The following INTS15 variants were observed in gnomAD, a reference collection of about 807,000 sequenced individuals.
INTS15 encodes the protein uncharacterized protein C7orf26.
chr7:6,599,808 C>CCT, the INTS15 span: 2 of 1,608,296 alleles, frequency 1.2e-6, no homozygotes, highest in Non-Finnish European at 1.7e-6. Flanking sequence ...GTGCTCCTGA[C>CCT]CTAATGGTCT....
chr7:6,600,274 C>G, the INTS15 span: 1 of 1,614,200 alleles, frequency 6.2e-7, no homozygotes, highest in South Asian at 1.1e-5. Flanking sequence ...TCAACGCCTC[C>G]CAGGAGATTG....
At chr7:6,599,760 CCT>C in the INTS15 span, 1 of 1,502,126 alleles carries the variant, frequency 6.7e-7, no homozygotes, top group Non-Finnish European at 9.1e-7. Context: ...GTCAGGCTTC[CCT>C]CTCTCCACTT....
chr7:6,602,318 A>G, the INTS15 span: 1 of 563,410 alleles, frequency 1.8e-6, no homozygotes, highest in South Asian at 2.2e-5. Flanking sequence ...AAACCTGAAA[A>G]ATGGTCATCT....
chr7:6,607,738 T>C, the INTS15 span: 1 of 1,503,290 alleles, frequency 6.7e-7, no homozygotes, highest in Non-Finnish European at 8.9e-7. The surrounding 1 kb of genome is among the most constrained non-coding windows in gnomAD (Gnocchi z 6.0). Context: ...CGGAGCTCCG[T>C]GGGCCACAGG....
the INTS15 span, chr7:6,591,898 G>C: frequency 6.3e-7 from 1 of 1,598,558 alleles, no homozygotes; most frequent in South Asian, 1.1e-5. Context: ...TCGGCCGGGT[G>C]CGGTGGCTCA....
chr7:6,596,733 A>T, the INTS15 span, among the ~76,000 whole-genome samples: 1 of 151,622 alleles, frequency 6.6e-6, no homozygotes, highest in Non-Finnish European at 1.5e-5. Context: ...TTGTGTGGAA[A>T]TATTGTGAAC....
chr7:6,590,397 C>T, the INTS15 span: 37 of 1,606,508 alleles, frequency 2.3e-5, no homozygotes, highest in African/African-American at 4.0e-4. Context: ...CGCCGCTGCC[C>T]ATCGTGGACA....
At chr7:6,604,486 G>T in the INTS15 span, among the ~76,000 whole-genome samples, 1 of 152,146 alleles carries the variant, frequency 6.6e-6, no homozygotes, top group Non-Finnish European at 1.5e-5. Context: ...GCTTGGTGGG[G>T]TTAGTAATGT....
At chr7:6,604,274 G>A in the INTS15 span, among the ~76,000 whole-genome samples, 7 of 152,226 alleles carry the variant, frequency 4.6e-5, no homozygotes, top group East Asian at 1.9e-4. Flanking sequence ...GTTTCATACC[G>A]ATGCAGTTAC....
chr7:6,590,278 C>A, the INTS15 span: 2 of 1,529,930 alleles, frequency 1.3e-6, no homozygotes, highest in Non-Finnish European at 1.7e-6. Flanking sequence ...CCGCGGCGGC[C>A]GCACCATGAG....
chr7:6,593,753 C>T, the INTS15 span, among the ~76,000 whole-genome samples: 1 of 149,898 alleles, frequency 6.7e-6, no homozygotes, highest in African/African-American at 2.5e-5. Flanking sequence ...AGGCCCAAGC[C>T]ATCCTTCCGC....
chr7:6,605,824 G>A, the INTS15 span, among the ~76,000 whole-genome samples: 2 of 151,916 alleles, frequency 1.3e-5, no homozygotes, highest in Non-Finnish European at 2.9e-5. Flanking sequence ...TCAGCCTCCC[G>A]GATAGCTGGG....
chr7:6,599,818 T>G, the INTS15 span: 1 of 1,609,902 alleles, frequency 6.2e-7, no homozygotes, highest in Non-Finnish European at 8.5e-7. Flanking sequence ...CCTAATGGTC[T>G]TTGTTTGCAG....
the INTS15 span, chr7:6,607,888 G>T: frequency 6.3e-7 from 1 of 1,577,916 alleles, no homozygotes; most frequent in East Asian, 2.3e-5. The surrounding 1 kb of genome is among the most constrained non-coding windows in gnomAD (Gnocchi z 6.0). Context: ...GGGGGGACGG[G>T]GTCAGCCTAC....
At chr7:6,590,188 C>T in the INTS15 span, 8 of 1,162,184 alleles carry the variant, frequency 6.9e-6, no homozygotes, top group Non-Finnish European at 9.0e-6. Context: ...AGCCCAGGCC[C>T]GGGTCGCGCC....
the INTS15 span, among the ~76,000 whole-genome samples, chr7:6,596,019 C>T: frequency 2.0e-5 from 3 of 151,638 alleles, no homozygotes; most frequent in Non-Finnish European, 4.4e-5. Flanking sequence ...GTATTGGTCT[C>T]CCACCAGCCT....
the INTS15 span, among the ~76,000 whole-genome samples, chr7:6,598,514 T>C: frequency 2.1e-4 from 32 of 149,226 alleles, no homozygotes; most frequent in African/African-American, 7.9e-4. Flanking sequence ...TGCTCCCCGC[T>C]GTAGCCATCG....
chr7:6,599,763 C>T, the INTS15 span: 2 of 1,514,946 alleles, frequency 1.3e-6, no homozygotes, highest in Non-Finnish European at 9.0e-7. Context: ...AGGCTTCCCT[C>T]TCTCCACTTC....
At chr7:6,594,302 G>A in the INTS15 span, 2 of 868,438 alleles carry the variant, frequency 2.3e-6, no homozygotes, top group East Asian at 4.9e-5. Context: ...CACCACACTC[G>A]GCCCCATTAA....
Sources: allele counts gnomAD v4.1 joint callset (sites outside exome capture counted in the v4.1 genomes callset), GRCh38; gene constraint gnomAD v4.1.1; non-coding constraint Gnocchi (gnomAD v3.1); transcripts MANE v1.5; gene names NCBI Gene and HGNC (gene_info 2026-07-23, HGNC 2026-07-21).